The following NEIL3 variants were observed in gnomAD, a reference collection of about 807,000 sequenced individuals.
The protein encoded by NEIL3 is nei like DNA glycosylase 3.
A neutral mutation model predicts 57.5 loss-of-function variants in NEIL3; 48 were observed. The observed-to-expected ratio is 0.83, with a 90% CI of 0.66 to 1.06. NEIL3 has a LOEUF of 1.06. Ranked by LOEUF, NEIL3 falls within the 50% of genes least tolerant of loss-of-function variation. The pLI, the probability that NEIL3 is intolerant of heterozygous loss-of-function variation, is 0.00. For synonymous variants in NEIL3, 261 were observed against 253.2 expected (o/e 1.03, Z -0.29); for missense variants, 717 against 739.1 (o/e 0.97, Z 0.35).
At chr4:177,370,993 A>C in the NEIL3 span, among the ~76,000 whole-genome samples, 1 of 152,314 alleles carries the variant, frequency 6.6e-6, no homozygotes, top group African/African-American at 2.4e-5. Context: ...GAGAACACCT[A>C]AAGTATCTAT....
chr4:177,310,262 A>G (rs998613647), intron 1 of NEIL3, among the ~76,000 whole-genome samples, 153 bp downstream of exon 1: 8 of 152,190 alleles, frequency 5.3e-5, no homozygotes, highest in African/African-American at 1.9e-4. Flanking sequence ...ACTTTACTGT[A>G]GGGAGAAGTC....
chr4:177,362,760 T>C lies in NEIL3; in HGVS notation c.*289T>C. ...CGATAAAGTGTTTTTAGTATGCTTT[T>C]AGTCTCTTGTAACTGGGGAGAAGCA... is the stretch of plus-strand genomic sequence containing the variant. On this transcript the variant is annotated 3_prime_UTR_variant, in exon 10 of 10. Transcript: ENST00000264596. 2 of 210,010 alleles carry C rather than the reference T, an allele frequency of 9.5e-6. No homozygotes were observed. The highest frequency in any genetic ancestry group is 1.9e-5 in the Non-Finnish European group (2 of 105,914). 13.0% of individuals were successfully genotyped at this position (210,010 alleles called of 1,614,324 possible).
At chr4:177,365,319 G>T (rs79942901), downstream of NEIL3, among the ~76,000 whole-genome samples, 4 of 152,144 alleles carry the variant, frequency 2.6e-5, no homozygotes, top group Non-Finnish European at 4.4e-5. Flanking sequence ...CCCACCTGGT[G>T]CCCTGAGCTG....
chr4:177,366,814 A>T (rs1735698847), downstream of NEIL3, among the ~76,000 whole-genome samples: 1 of 151,762 alleles, frequency 6.6e-6, no homozygotes, highest in African/African-American at 2.4e-5. Flanking sequence ...GATCCCTGAG[A>T]CTCTCTTCCT....
Position 177,336,235 on chromosome 4 carries a change from C to T in NEIL3, c.541C>T (p.Leu181=). ...GAAAGGCCGGATGCTAGGTGATGTG[C>T]TAATGGATCAGAACGTATTGCCTGG... is the stretch of plus-strand genomic sequence containing the variant. The part of the protein sequence containing the change: ...KQKGRMLGDV[L]MDQNVLPGVG... The change falls in exon 4 of 10, where the codon CTA becomes TTA. Residue 181 remains leucine (L), a synonymous_variant. Coordinates refer to ENST00000264596, the MANE Select transcript of NEIL3 (RefSeq NM_018248.3). 6.2e-7 allele frequency: 1 copy of T among 1,614,164 alleles called. No individual in the cohort carries two copies. The highest frequency in any genetic ancestry group is 8.5e-7 in the Non-Finnish European group (1 of 1,180,016).
downstream of NEIL3, among the ~76,000 whole-genome samples, chr4:177,363,099 G>T (rs2073834442): frequency 6.6e-6 from 1 of 152,120 alleles, no homozygotes; most frequent in Non-Finnish European, 1.5e-5. Context: ...CTTGCGTGTA[G>T]GCGTTTAAAA....
chr4:177,346,118 T>A (rs1272175588), intron 6 of NEIL3, among the ~76,000 whole-genome samples: 1 of 152,202 alleles, frequency 6.6e-6, no homozygotes, highest in Admixed American at 6.5e-5. Context: ...AAATCACCTA[T>A]TTCCCAGAGG....
chr4:177,310,908 C>G (rs775145772), intron 1 of NEIL3, among the ~76,000 whole-genome samples: 1 of 152,138 alleles, frequency 6.6e-6, no homozygotes, highest in Non-Finnish European at 1.5e-5. Flanking sequence ...GAAAAAGTTG[C>G]CTGCTATGAA....
At chr4:177,339,991 A>G in intron 5 of NEIL3, 134 bp downstream of exon 5, 3 of 629,684 alleles carry the variant, frequency 4.8e-6, no homozygotes, top group African/African-American at 1.8e-5. Flanking sequence ...GGAGAGTGAC[A>G]TTATGTGGGT....
Position 177,310,027 on chromosome 4 carries a change from C to T in NEIL3, c.74C>T (p.Thr25Ile). The T allele has an allele frequency of 1.4e-5, 23 of 1,610,402 alleles. No homozygotes were observed. Among genetic ancestry groups the T allele is most frequent in the Non-Finnish European group, 1.9e-5 (22 of 1,178,942 alleles). Residue 25 changes from threonine (T) to isoleucine (I), a missense_variant, in exon 1 of 10, where the codon ACC becomes ATC. By Grantham distance (89) the Thr-to-Ile change is moderately conservative. Coordinates refer to ENST00000264596, the MANE Select transcript of NEIL3 (RefSeq NM_018248.3). Reference protein sequence around the residue: ...RARVLPGQAVTGVRGSALRSL... With the variant: ...RARVLPGQAVIGVRGSALRSL... ...CGGGTGCTCCCGGGCCAGGCGGTGACCGGCGTGCGGGGAAGCGCTCTGCGG... is the reference window on the plus strand; with the variant it reads ...CGGGTGCTCCCGGGCCAGGCGGTGATCGGCGTGCGGGGAAGCGCTCTGCGG...
At chr4:177,326,327 T>C (rs1415977573) in intron 2 of NEIL3, among the ~76,000 whole-genome samples, 2 of 152,204 alleles carry the variant, frequency 1.3e-5, no homozygotes, top group Admixed American at 1.3e-4. Context: ...TTTGCAACTT[T>C]GTTGAAAATT....
At chr4:177,361,395 T>C (rs764677353) in intron 9 of NEIL3, among the ~76,000 whole-genome samples, 1 of 152,212 alleles carries the variant, frequency 6.6e-6, no homozygotes, top group Admixed American at 6.5e-5. Context: ...AATATTGATA[T>C]GTTTCAGTGC....
intron 6 of NEIL3, among the ~76,000 whole-genome samples, chr4:177,345,167 G>A (rs1735188324): frequency 6.6e-6 from 1 of 152,200 alleles, no homozygotes; most frequent in Non-Finnish European, 1.5e-5. Context: ...AAGTATGGAA[G>A]AAGAAACACT....
intron 6 of NEIL3, among the ~76,000 whole-genome samples, chr4:177,347,238 G>A (rs1331379473): frequency 1.1e-4 from 17 of 152,084 alleles, no homozygotes; most frequent in African/African-American, 3.9e-4. Context: ...AGGTAGCCCA[G>A]AAAAGCATAA....
intron 5 of NEIL3, 91 bp downstream of exon 5, chr4:177,339,948 C>T (rs1422976136): frequency 2.5e-6 from 2 of 785,812 alleles, no homozygotes; most frequent in African/African-American, 1.7e-5. Context: ...TGTATATAGC[C>T]ATCTAGTGGA....
intron 6 of NEIL3, among the ~76,000 whole-genome samples, chr4:177,347,419 C>T (rs575742611): frequency 1.2e-4 from 19 of 152,132 alleles, no homozygotes; most frequent in Admixed American, 2.0e-4. Flanking sequence ...GGGTTTTGAA[C>T]GGGCGTGAAA....
intron 1 of NEIL3, among the ~76,000 whole-genome samples, chr4:177,320,568 C>T (rs1205528068): frequency 2.0e-5 from 3 of 148,930 alleles, no homozygotes; most frequent in Admixed American, 6.8e-5. Flanking sequence ...AGCTCCACCT[C>T]CAGGGTTCAC....
chr4:177,348,885 T>TTTTTTTTTTTTTTTTTTTTTTTTTTTTG (rs1735288716), intron 6 of NEIL3, among the ~76,000 whole-genome samples: 1 of 133,756 alleles, frequency 7.5e-6, no homozygotes, highest in Admixed American at 8.0e-5. Context: ...TTTTTTTTTT[T>TTTTTTTTTTTTTTTTTTTTTTTTTTTTG]GACACGGAGT....
At chr4:177,328,644 T>G (rs1734825658) in intron 2 of NEIL3, among the ~76,000 whole-genome samples, 1 of 152,084 alleles carries the variant, frequency 6.6e-6, no homozygotes, top group South Asian at 2.1e-4. Flanking sequence ...GCTAAGAGAA[T>G]GTAGTAGCAG....
Sources: gnomAD v4.1 joint callset for allele counts (sites outside exome capture counted in the v4.1 genomes callset) on GRCh38, gnomAD v4.1.1 for gene constraint, MANE v1.5 for transcripts, NCBI Gene and HGNC (gene_info 2026-07-23, HGNC 2026-07-21) for gene names.